Variants in CFI observed in about 807,000 individuals in gnomAD.
The protein encoded by CFI is C3B/C4B inactivator.
A neutral mutation model predicts 78.8 loss-of-function variants in CFI; 66 were observed. The ratio of observed to expected loss-of-function variants is 0.84; its 90% CI spans 0.69 to 1.03. CFI has a LOEUF of 1.03. Ranked by LOEUF, CFI falls within the 50% of genes least tolerant of loss-of-function variation. The pLI is 0.00. For synonymous variants in CFI, 250 were observed against 232.6 expected, an observed-to-expected ratio of 1.07 and a Z score of -0.68; for missense variants, 706 against 704.5, an observed-to-expected ratio of 1.00 and a Z score of -0.02.
chr4:109,763,575 G>A (rs78150780), intron 3 of CFI, among the ~76,000 whole-genome samples: 97 of 152,074 alleles, frequency 6.4e-4, no homozygotes, highest in Middle Eastern at 3.4e-3. Context: ...AACAAATCTA[G>A]ATATGTGCTG....
chr4:109,745,306 C>A (rs373623335), intron 11 of CFI, among the ~76,000 whole-genome samples: 1 of 152,126 alleles, frequency 6.6e-6, no homozygotes, highest in African/African-American at 2.4e-5. Flanking sequence ...CTTCAGCCCC[C>A]CTCAACCTCC....
In CFI at chr4:109,746,462, C is replaced by T. The variant is rs1216946686; in HGVS notation, c.1189G>A (p.Val397Ile). The change falls in exon 11 of 13, where the codon GTA becomes ATA. Residue 397 changes from valine to isoleucine, a missense_variant. Coordinates refer to ENST00000394634, the MANE Select transcript of CFI (RefSeq NM_000204.5). ...TTAAGGTCGGGGTGTATCCAGTCTA[C>T]TACTGTTGTCCATATTTGGTAACGA... ...THRYQIWTTV[V>I]DWIHPDLKRI... 1.2e-6 allele frequency: 2 copies of T among 1,613,240 alleles called. No individual in the cohort carries two copies. The highest frequency in any genetic ancestry group is 1.7e-5 in the Admixed American group (1 of 59,894).
rs66497003 is a variant in CFI, at chr4:109,751,438, C to CTTTTTTT, written c.940+1023_940+1029dup. 1.7e-4 allele frequency among the ~76,000 whole-genome samples: 17 copies of CTTTTTTT among 100,344 alleles called. 1 individual carries two copies. Among genetic ancestry groups the CTTTTTTT allele is most frequent in the Admixed American group, 2.8e-4 (2 of 7,116 alleles). 65.8% of individuals were successfully genotyped at this position (100,344 alleles called of 152,430 possible). A position where few individuals can be genotyped will look rare whatever the true frequency, so the allele number is the denominator to read the frequency against. ...ACATCTATAGCTTCGAGAGCTAAAT[C>CTTTTTTT]TTTTTTTTTTTTTTTTTTTTTGAGA... On this transcript the variant is annotated intron_variant, in intron 8 of 12. Transcript: ENST00000394634.
At chr4:109,749,047 C>T (rs1409593980) in intron 10 of CFI, among the ~76,000 whole-genome samples, 171 bp downstream of exon 10, 4 of 152,184 alleles carry the variant, frequency 2.6e-5, no homozygotes, top group Admixed American at 2.6e-4. Context: ...ACAGTAGATT[C>T]TACGGGATTA....
At chr4:109,738,285 T>C (rs1321201731), downstream of CFI, among the ~76,000 whole-genome samples, 1 of 152,032 alleles carries the variant, frequency 6.6e-6, no homozygotes, top group Non-Finnish European at 1.5e-5. Context: ...CAGCTTTTTT[T>C]GTGTGTGATA....
chr4:109,756,943 AAGAAAG>A (rs1726336298), intron 7 of CFI, among the ~76,000 whole-genome samples: 1 of 150,618 alleles, frequency 6.6e-6, no homozygotes, highest in African/African-American at 2.4e-5. Flanking sequence ...GAAAGAAAGA[AAGAAAG>A]AAAGAAAGAA....
At position 109,768,989 on chromosome 4, in the gene CFI, T is replaced by C. The variant is rs199761393; in HGVS notation, c.58-2165A>G. Reference sequence around the variant, plus strand: ...AAATATGCCAGTTACGCACTTTTCATGGTTCCACGTATCTCTTTTTGGCAC... The same window carrying C: ...AAATATGCCAGTTACGCACTTTTCACGGTTCCACGTATCTCTTTTTGGCAC... On this transcript the variant is annotated intron_variant, in intron 1 of 12. Transcript: ENST00000394634. Among the ~76,000 whole-genome samples, 20 of 152,278 alleles carry C rather than the reference T, an allele frequency of 1.3e-4. No homozygotes were observed. The East Asian group carries it at 2.1e-3, about 16-fold the overall frequency.
chr4:109,785,296 G>A (rs12510755), intron 1 of CFI, among the ~76,000 whole-genome samples: 36,004 of 151,908 alleles, frequency 0.24, 4,920 homozygotes, highest in Admixed American at 0.36. Flanking sequence ...AAAATAAAGT[G>A]AAAAATTTTA....
At chr4:109,743,389 T>C (rs945097734) in intron 11 of CFI, among the ~76,000 whole-genome samples, 7 of 152,200 alleles carry the variant, frequency 4.6e-5, no homozygotes, top group African/African-American at 1.4e-4. Context: ...TCTTGTAAGC[T>C]TCTTGAGGCA....
At chr4:109,777,942 A>G (rs1729486931) in intron 1 of CFI, among the ~76,000 whole-genome samples, 1 of 152,330 alleles carries the variant, frequency 6.6e-6, no homozygotes, top group East Asian at 1.9e-4. Flanking sequence ...AATGAGAACA[A>G]AGACACAACA....
chr4:109,774,495 T>C (rs1728973710), intron 1 of CFI, among the ~76,000 whole-genome samples: 1 of 152,150 alleles, frequency 6.6e-6, no homozygotes, highest in Admixed American at 6.5e-5. Flanking sequence ...TGGTACATTC[T>C]TGGTCAAAGG....
rs534207659 is a variant in CFI at position 109,764,841 on chromosome 4, G to C, written c.329-151C>G. On this transcript the variant is annotated intron_variant, in intron 2 of 12. Transcript: ENST00000394634. Reference sequence around the variant, plus strand: ...AAGTAATAGTAAGCAATCATTTTACGAGTATTTATTATGTGTCAGCGGCAG... The same window carrying C: ...AAGTAATAGTAAGCAATCATTTTACCAGTATTTATTATGTGTCAGCGGCAG... The C allele has an allele frequency of 6.3e-4, 465 of 738,220 alleles. 3 individuals are homozygous for C. The highest frequency in any genetic ancestry group is 3.0e-3 in the South Asian group (173 of 57,280). The allele number at this position is 738,220 out of a possible 1,614,324, so 45.7% of individuals were successfully genotyped here.
chr4:109,777,226 G>A (rs929781178), intron 1 of CFI, among the ~76,000 whole-genome samples: 2 of 152,102 alleles, frequency 1.3e-5, no homozygotes, highest in East Asian at 1.9e-4. Flanking sequence ...TTCGGGAAAC[G>A]CATCTATGTG....
At chr4:109,734,141 C>T in the CFI span, among the ~76,000 whole-genome samples, 152 of 152,242 alleles carry the variant, frequency 1.0e-3, no homozygotes, top group African/African-American at 3.5e-3. Context: ...TATTGCACTC[C>T]AGCCTGGCAA....
In CFI at chr4:109,783,812, G is replaced by GAGATATTCATATATAT. The variant is rs375076885; in HGVS notation, c.58-16989_58-16988insATATATATGAATATCT. 8.8e-5 allele frequency among the ~76,000 whole-genome samples: 10 copies of GAGATATTCATATATAT among 113,038 alleles called. 1 individual carries two copies. In the East Asian group the frequency reaches 1.8e-3, roughly 20 times the overall value. 74.2% of individuals were successfully genotyped at this position (113,038 alleles called of 152,430 possible). On this transcript the variant is annotated intron_variant, in intron 1 of 12. Transcript: ENST00000394634. ...TTCAATGAGTGGATAAAGAAACTGT[G>GAGATATTCATATATAT]ATATATATATATATATATATATGAT...
At chr4:109,761,120 A>G (rs553052458) in intron 4 of CFI, among the ~76,000 whole-genome samples, 2 of 152,352 alleles carry the variant, frequency 1.3e-5, no homozygotes, top group African/African-American at 4.8e-5. Context: ...AAAAGTCTCA[A>G]TGAATGCCTG....
intron 1 of CFI, among the ~76,000 whole-genome samples, chr4:109,771,925 GA>G (rs1319895370): frequency 6.6e-6 from 1 of 152,044 alleles, no homozygotes; most frequent in Non-Finnish European, 1.5e-5. Context: ...GAAGGAGAGA[GA>G]GGGGGAAATT....
intron 1 of CFI, chr4:109,793,699 A>G (rs1007417608): frequency 3.9e-5 from 6 of 152,120 alleles, no homozygotes; most frequent in African/African-American, 9.7e-5. Flanking sequence ...AGCTAATTTT[A>G]TTTTTTAGAG....
At chr4:109,758,098 C>T (rs1726553913) in intron 6 of CFI, 1 of 553,000 alleles carries the variant, frequency 1.8e-6, no homozygotes, top group Non-Finnish European at 2.9e-6. Flanking sequence ...GAGCTCATCC[C>T]TAAATAAGAG....
Sources: gnomAD v4.1 joint callset for allele counts (sites outside exome capture counted in the v4.1 genomes callset) on GRCh38, gnomAD v4.1.1 for gene constraint, MANE v1.5 for transcripts, NCBI Gene and HGNC (gene_info 2026-07-23, HGNC 2026-07-21) for gene names.